Variants in RNF125 observed in about 807,000 individuals in gnomAD.
RNF125 encodes the protein E3 ubiquitin-protein ligase RNF125.
A neutral mutation model predicts 26.0 loss-of-function variants in RNF125; 21 were observed. The ratio of observed to expected loss-of-function variants is 0.81; its 90% confidence interval spans 0.57 to 1.16. RNF125 has a LOEUF of 1.16. Among genes scored for constraint, RNF125 ranks in the 50% most tolerant of loss-of-function variants. RNF125 has a pLI of 0.00. For missense variants in RNF125, 270 were observed against 299.4 expected (o/e 0.90, Z 0.72); for synonymous variants, 95 against 109.2 (o/e 0.87, Z 0.81).
At chr18:32,085,340 A>G in the RNF125 span, among the ~76,000 whole-genome samples, 29 of 151,678 alleles carry the variant, frequency 1.9e-4, no homozygotes, top group Non-Finnish European at 1.0e-4. Context: ...ACAGAAGCCA[A>G]AACCGCAGAA....
chr18:32,050,658 A>G (rs1201829169), intron 4 of RNF125, among the ~76,000 whole-genome samples: 2 of 152,108 alleles, frequency 1.3e-5, no homozygotes, highest in East Asian at 3.9e-4. Flanking sequence ...TTTAAATAAT[A>G]ATTCCATCTC....
intron 4 of RNF125, among the ~76,000 whole-genome samples, chr18:32,058,810 T>A (rs1474551598): frequency 1.3e-5 from 2 of 152,230 alleles, no homozygotes; most frequent in African/African-American, 2.4e-5. Context: ...ACCATCATTC[T>A]ACCCTCTATC....
chr18:32,018,861 G>T lies in RNF125; in HGVS notation c.-3G>T, dbSNP rs772571064. On this transcript the variant is annotated 5_prime_UTR_variant, in exon 1 of 6. Transcript: ENST00000217740. ...CGCAGCTGTCTGGGCGAGAGGCACA[G>T]CGATGGGCTCCGTGCTGAGCACCGA... is the stretch of plus-strand genomic sequence containing the variant. 1.9e-6 allele frequency: 3 copies of T among 1,569,680 alleles called. No individual in the cohort carries two copies. The Admixed American group carries it at 5.8e-5, about 30-fold the overall frequency.
At chr18:32,090,023 A>G in the RNF125 span, among the ~76,000 whole-genome samples, 1 of 152,216 alleles carries the variant, frequency 6.6e-6, no homozygotes, top group South Asian at 2.1e-4. Context: ...AGGTGGGCGG[A>G]TCGCTGGAGG....
downstream of RNF125, chr18:32,076,194 TAAG>T (rs2039569276): frequency 2.0e-6 from 1 of 508,104 alleles, no homozygotes; most frequent in Non-Finnish European, 3.6e-6. Context: ...CATGGCCCAA[TAAG>T]AACCTGGTGT....
At position 32,070,629 on chromosome 18, in the gene RNF125, T is replaced by C. The variant is rs934665262; in HGVS notation, c.*2245T>C. On this transcript the variant is annotated 3_prime_UTR_variant, in exon 6 of 6. Transcript: ENST00000217740. ...ACTTACAGCTGTCTCAGAATAACAA[T>C]AGAAATACAACCACAAATAATATGG... The C allele has an allele frequency of 6.6e-6, 1 of 152,164 alleles. No individual in the cohort carries two copies. Among genetic ancestry groups the C allele is most frequent in the Non-Finnish European group, 1.5e-5 (1 of 68,032 alleles). 9.4% of individuals were successfully genotyped at this position (152,164 alleles called of 1,614,324 possible).
intron 2 of RNF125, among the ~76,000 whole-genome samples, chr18:32,038,173 C>A (rs554201061): frequency 1.1e-4 from 17 of 151,948 alleles, no homozygotes; most frequent in African/African-American, 3.9e-4. Flanking sequence ...CTCAGCTTCC[C>A]GAGTAGCTGG....
chr18:32,065,993 T>C lies in RNF125; in HGVS notation c.596T>C (p.Phe199Ser). The change falls in exon 5 of 6, where the codon TTT (phenylalanine) becomes TCT (serine). Residue 199 changes from phenylalanine to serine, a missense_variant. By Grantham distance (155) the Phe-to-Ser change is radical (BLOSUM62 -2). Coordinates refer to ENST00000217740, the MANE Select transcript of RNF125 (RefSeq NM_017831.4). The stretch of plus-strand genomic sequence containing the variant: ...CATCTGCAAGTTAGTCACACTTTGT[T>C]TTATGATGATTTCATAGTAAGTATA... ...IRHLQVSHTL[F>S]YDDFIDFNII... 1 of 1,589,084 alleles carries C rather than the reference T, an allele frequency of 6.3e-7. No individual in the cohort carries two copies. Among genetic ancestry groups the C allele is most frequent in the Non-Finnish European group, 8.6e-7 (1 of 1,157,248 alleles).
chr18:32,020,037 A>T (rs897341934), intron 1 of RNF125, among the ~76,000 whole-genome samples: 4 of 139,598 alleles, frequency 2.9e-5, no homozygotes, highest in African/African-American at 8.8e-5. Context: ...TGTGTGTTTG[A>T]GAGAGAGAGA....
At chr18:32,033,595 C>T (rs551746837) in intron 1 of RNF125, among the ~76,000 whole-genome samples, 83 of 149,794 alleles carry the variant, frequency 5.5e-4, no homozygotes, top group African/African-American at 1.9e-3. Context: ...CCGAGGAGTG[C>T]GGATCACCTG....
At chr18:32,053,896 A>C (rs2039353642) in intron 4 of RNF125, among the ~76,000 whole-genome samples, 1 of 152,000 alleles carries the variant, frequency 6.6e-6, no homozygotes, top group Non-Finnish European at 1.5e-5. Flanking sequence ...ACCAGTTCAG[A>C]AAGACTAGGG....
At chr18:32,060,553 A>G (rs2039425251) in intron 4 of RNF125, among the ~76,000 whole-genome samples, 1 of 152,182 alleles carries the variant, frequency 6.6e-6, no homozygotes, top group South Asian at 2.1e-4. Flanking sequence ...GTTGGCTCTT[A>G]ATATAAGTAG....
intron 2 of RNF125, chr18:32,041,888 C>G: frequency 3.9e-6 from 1 of 255,560 alleles, no homozygotes; most frequent in Non-Finnish European, 7.6e-6. Context: ...CCTCGGCCTC[C>G]CAAAGTGCTG....
At chr18:32,061,086 G>A (rs889832190) in intron 4 of RNF125, among the ~76,000 whole-genome samples, 1 of 152,100 alleles carries the variant, frequency 6.6e-6, no homozygotes, top group African/African-American at 2.4e-5. Context: ...GTGCAGTGGT[G>A]CGATCTCGGC....
At chr18:32,081,508 T>C in the RNF125 span, among the ~76,000 whole-genome samples, 1 of 152,224 alleles carries the variant, frequency 6.6e-6, no homozygotes, top group Non-Finnish European at 1.5e-5. Flanking sequence ...GAACATTGTT[T>C]GCTTGTTTCC....
At chr18:32,082,011 A>C in the RNF125 span, among the ~76,000 whole-genome samples, 2 of 152,172 alleles carry the variant, frequency 1.3e-5, no homozygotes, top group African/African-American at 2.4e-5. Flanking sequence ...GTAAGTTTGA[A>C]ATGCTGAGTG....
chr18:32,020,151 G>GGGC (rs2038973335), intron 1 of RNF125, among the ~76,000 whole-genome samples: 1 of 151,926 alleles, frequency 6.6e-6, no homozygotes, highest in South Asian at 2.1e-4. Flanking sequence ...AGGCTCAAGT[G>GGGC]AGTCTCCTGC....
the RNF125 span, among the ~76,000 whole-genome samples, chr18:32,085,043 C>T: frequency 6.6e-6 from 1 of 152,092 alleles, no homozygotes; most frequent in Non-Finnish European, 1.5e-5. Flanking sequence ...TGAAAAGTAA[C>T]CCAGTTCCTT....
chr18:32,040,411 A>G (rs1289914654), intron 2 of RNF125, among the ~76,000 whole-genome samples: 2 of 151,786 alleles, frequency 1.3e-5, no homozygotes, highest in East Asian at 3.9e-4. Context: ...AGCTGGGACT[A>G]TAGGTGCACA....
Sources: gnomAD v4.1 joint callset for allele counts (sites outside exome capture counted in the v4.1 genomes callset) on GRCh38, gnomAD v4.1.1 for gene constraint, MANE v1.5 for transcripts, NCBI Gene and HGNC (gene_info 2026-07-23, HGNC 2026-07-21) for gene names.